Variants in FSTL5 observed in about 807,000 individuals in gnomAD.
FSTL5 encodes follistatin-related protein 5.
In FSTL5, 62 loss-of-function variants were observed where a neutral mutation model predicts 89.1. The observed-to-expected ratio is 0.70, with a 90% confidence interval of 0.57 to 0.86. FSTL5 has a LOEUF of 0.86. Ranked by LOEUF, FSTL5 falls within the 40% of genes least tolerant of loss-of-function variation. FSTL5 has a pLI of 0.00. For missense variants in FSTL5, 1,057 were observed against 1,001.6 expected (o/e 1.06, Z -0.75); for synonymous variants, 383 against 346.2 (o/e 1.11, Z -1.18).
intron 1 of FSTL5, among the ~76,000 whole-genome samples, chr4:162,132,261 A>T (rs1278032844): frequency 6.6e-6 from 1 of 152,186 alleles, no homozygotes; most frequent in Non-Finnish European, 1.5e-5. Flanking sequence ...TTGGGGCCAG[A>T]AAACAATTGT....
At chr4:162,060,202 A>G (rs1738677149) in intron 2 of FSTL5, among the ~76,000 whole-genome samples, 1 of 152,090 alleles carries the variant, frequency 6.6e-6, no homozygotes, top group South Asian at 2.1e-4. Flanking sequence ...ATCTTCCATA[A>G]TCTGATACAG....
intron 3 of FSTL5, among the ~76,000 whole-genome samples, chr4:161,942,480 T>A (rs1734614460): frequency 6.6e-6 from 1 of 152,012 alleles, no homozygotes; most frequent in Non-Finnish European, 1.5e-5. Flanking sequence ...AAAGGATTAC[T>A]GAAATAACAT....
intron 6 of FSTL5, among the ~76,000 whole-genome samples, chr4:161,703,785 C>T (rs1164432325): frequency 6.6e-6 from 1 of 152,036 alleles, no homozygotes; most frequent in Non-Finnish European, 1.5e-5. Context: ...CAGTTACCTG[C>T]TATAATATTG....
At chr4:161,467,002 A>AT (rs373651593) in intron 13 of FSTL5, among the ~76,000 whole-genome samples, 8,147 of 152,048 alleles carry the variant, frequency 0.054, 615 homozygotes, top group African/African-American at 0.17. Context: ...CACAGTCAAA[A>AT]ACATGCAAAA....
chr4:162,011,342 G>C (rs1736761106), intron 3 of FSTL5, among the ~76,000 whole-genome samples: 1 of 152,052 alleles, frequency 6.6e-6, no homozygotes, highest in Admixed American at 6.6e-5. Flanking sequence ...CCCAAGATCA[G>C]ATTTCCCAAA....
chr4:161,564,912 T>C (rs912104390), intron 8 of FSTL5, among the ~76,000 whole-genome samples: 3 of 151,872 alleles, frequency 2.0e-5, no homozygotes, highest in Non-Finnish European at 4.4e-5. Context: ...TTATCTATAA[T>C]AGTGATAGAA....
At chr4:161,811,353 T>C (rs1730140563) in intron 4 of FSTL5, among the ~76,000 whole-genome samples, 1 of 152,214 alleles carries the variant, frequency 6.6e-6, no homozygotes, top group Non-Finnish European at 1.5e-5. Context: ...TAAGATTATT[T>C]TATAGTGATA....
At chr4:161,682,312 A>C (rs1210250896) in intron 6 of FSTL5, among the ~76,000 whole-genome samples, 2 of 152,032 alleles carry the variant, frequency 1.3e-5, no homozygotes, top group Non-Finnish European at 2.9e-5. Context: ...GTTAATTAAA[A>C]CTTTCTTTCT....
At chr4:161,689,848 T>C (rs1279558261) in intron 6 of FSTL5, among the ~76,000 whole-genome samples, 2 of 152,180 alleles carry the variant, frequency 1.3e-5, no homozygotes, top group African/African-American at 4.8e-5. Flanking sequence ...ATCAGCTTTA[T>C]GTCACTATCG....
chr4:161,988,418 A>G (rs1247302804), intron 3 of FSTL5, among the ~76,000 whole-genome samples: 2 of 152,206 alleles, frequency 1.3e-5, no homozygotes, highest in East Asian at 1.9e-4. Context: ...TTACAGTATT[A>G]GTCAATACTT....
chr4:161,441,429 C>A (rs1732758241), intron 15 of FSTL5, among the ~76,000 whole-genome samples: 1 of 152,022 alleles, frequency 6.6e-6, no homozygotes, highest in Non-Finnish European at 1.5e-5. Flanking sequence ...ATAATTTATG[C>A]CGAAATATCA....
intron 6 of FSTL5, among the ~76,000 whole-genome samples, chr4:161,713,239 A>G (rs1437201199): frequency 1.3e-5 from 2 of 152,216 alleles, no homozygotes; most frequent in East Asian, 3.9e-4. Context: ...GACTAACAAA[A>G]TACTAAAACA....
rs139937607 is a variant in FSTL5, at chr4:162,068,171, T to C, written c.127-34513A>G. ...AATGCTATTCCCATTAAACTTCCAT[T>C]GACGTTCTTCACAGAATTAGAAAAA... is the stretch of plus-strand genomic sequence containing the variant. On this transcript the variant is annotated intron_variant, in intron 2 of 15. Coordinates refer to ENST00000306100, the MANE Select transcript of FSTL5 (RefSeq NM_020116.5). Among the ~76,000 whole-genome samples the C allele has an allele frequency of 5.6e-3, 848 of 152,208 alleles. 11 individuals are homozygous for C. The highest frequency in any genetic ancestry group is 0.019 in the African/African-American group (810 of 41,546).
chr4:161,944,236 T>C (rs1734674890), intron 3 of FSTL5, among the ~76,000 whole-genome samples: 1 of 152,152 alleles, frequency 6.6e-6, no homozygotes, highest in Non-Finnish European at 1.5e-5. Flanking sequence ...GATTCTAGCA[T>C]TTAAATATAG....
chr4:161,895,325 A>C (rs1313841978), intron 4 of FSTL5, among the ~76,000 whole-genome samples: 1 of 152,226 alleles, frequency 6.6e-6, no homozygotes, highest in African/African-American at 2.4e-5. Context: ...ATTAATTTAA[A>C]AATGCAAATG....
intron 3 of FSTL5, among the ~76,000 whole-genome samples, chr4:161,987,059 A>C (rs1250265274): frequency 6.6e-6 from 1 of 152,152 alleles, no homozygotes; most frequent in African/African-American, 2.4e-5. Context: ...CTAAATCTAT[A>C]GTAGCTCCAA....
intron 4 of FSTL5, among the ~76,000 whole-genome samples, chr4:161,790,872 T>C (rs565596424): frequency 4.7e-4 from 72 of 152,332 alleles, no homozygotes; most frequent in South Asian, 2.7e-3. Context: ...AAGGAGCACC[T>C]GATCCCATGG....
intron 4 of FSTL5, among the ~76,000 whole-genome samples, chr4:161,833,461 G>A (rs1730919184): frequency 1.1e-5 from 1 of 89,532 alleles, no homozygotes; most frequent in African/African-American, 3.6e-5. Flanking sequence ...TCGTTGATCT[G>A]TCTAATGTTG....
intron 3 of FSTL5, among the ~76,000 whole-genome samples, chr4:162,028,993 C>A (rs1212753826): frequency 6.6e-6 from 1 of 152,110 alleles, no homozygotes; most frequent in South Asian, 2.1e-4. Flanking sequence ...CACAGCAACA[C>A]CCCTCTGACT....
Sources: gnomAD v4.1 joint callset for allele counts (sites outside exome capture counted in the v4.1 genomes callset) on GRCh38, gnomAD v4.1.1 for gene constraint, MANE v1.5 for transcripts, NCBI Gene and HGNC (gene_info 2026-07-23, HGNC 2026-07-21) for gene names.